GPC6: variants seen among roughly 807,000 people sequenced by gnomAD.
GPC6 encodes the protein glypican-6.
Under a neutral mutation model 55.2 loss-of-function variants are expected in GPC6, and 14 were observed. That is an observed-to-expected ratio of 0.25 (90% confidence interval 0.17 to 0.40). The LOEUF is 0.40. GPC6 is among the 10% of genes least tolerant of loss of function. The pLI is 1.00. For missense variants in GPC6, 641 were observed against 708.5 expected (o/e 0.90, Z 1.08); for synonymous variants, 278 against 259.6 (o/e 1.07, Z -0.68).
chr13:94,270,493 A>G (rs1417153306), intron 4 of GPC6, among the ~76,000 whole-genome samples: 1 of 152,232 alleles, frequency 6.6e-6, no homozygotes, highest in African/African-American at 2.4e-5. Flanking sequence ...ACATAGCCTG[A>G]TCCTAATATT....
At chr13:94,271,052 C>T (rs1004121575) in intron 4 of GPC6, among the ~76,000 whole-genome samples, 4 of 137,132 alleles carry the variant, frequency 2.9e-5, no homozygotes, top group African/African-American at 8.1e-5. Flanking sequence ...TGCAGTGGCG[C>T]AATCTCGGCT....
intron 5 of GPC6, among the ~76,000 whole-genome samples, chr13:94,301,644 C>T (rs1271054377): frequency 2.0e-5 from 3 of 152,128 alleles, no homozygotes; most frequent in Admixed American, 2.0e-4. Context: ...TTGTTATTCC[C>T]ATTTGACAGA....
In GPC6 at chr13:94,109,174, C is replaced by T. The variant is rs114806088; in HGVS notation, c.877+81280C>T. On this transcript the variant is annotated intron_variant, in intron 4 of 8. Coordinates refer to ENST00000377047, the MANE Select transcript of GPC6 (RefSeq NM_005708.5). ...CAGGATGTTTGCAATAAGCAGAGAT[C>T]GTTTGCATAAAGGGCCTAGCGTTAT... Among the ~76,000 whole-genome samples the T allele has an allele frequency of 3.6e-3, 549 of 152,272 alleles. 5 individuals carry two copies. The highest frequency in any genetic ancestry group is 0.012 in the African/African-American group (497 of 41,554).
chr13:94,087,495 G>A (rs1270804730), intron 4 of GPC6, among the ~76,000 whole-genome samples: 2 of 152,158 alleles, frequency 1.3e-5, no homozygotes, highest in African/African-American at 2.4e-5. Flanking sequence ...TTGAAACAAA[G>A]GAATACAAAC....
At chr13:94,259,631 G>C (rs888457204) in intron 4 of GPC6, among the ~76,000 whole-genome samples, 1 of 152,006 alleles carries the variant, frequency 6.6e-6, no homozygotes, top group Non-Finnish European at 1.5e-5. Context: ...CAGAAACTCC[G>C]TGCCCATTAA....
intron 2 of GPC6, among the ~76,000 whole-genome samples, chr13:93,566,730 A>C (rs1876143768): frequency 6.6e-6 from 1 of 151,266 alleles, no homozygotes; most frequent in South Asian, 2.1e-4. Flanking sequence ...CCTCCCCTTG[A>C]CAGGCCCTGG....
chr13:93,765,091 G>T (rs1014395554), intron 2 of GPC6, among the ~76,000 whole-genome samples: 1 of 152,098 alleles, frequency 6.6e-6, no homozygotes, highest in African/African-American at 2.4e-5. Context: ...GAGCCACCGG[G>T]CATGCCCACA....
At chr13:94,290,447 A>G (rs868014848) in intron 5 of GPC6, among the ~76,000 whole-genome samples, 3,057 of 150,526 alleles carry the variant, frequency 0.02, 97 homozygotes, top group African/African-American at 0.068. Flanking sequence ...AAAAAAAAAA[A>G]AAGAAAAAGA....
In GPC6 at chr13:93,909,286, T is replaced by C. The variant is rs977590313; in HGVS notation, c.711+78741T>C. On this transcript the variant is annotated intron_variant, in intron 3 of 8. Coordinates refer to ENST00000377047, the MANE Select transcript of GPC6 (RefSeq NM_005708.5). Reference sequence around the variant, plus strand: ...CAAAGTAAAACATAAATTATAATATTGATCCTGATTAGAAAGCCTATTATT... The same window carrying C: ...CAAAGTAAAACATAAATTATAATATCGATCCTGATTAGAAAGCCTATTATT... Among the ~76,000 whole-genome samples the C allele has an allele frequency of 3.9e-5, 6 of 152,318 alleles. No homozygotes were observed. The East Asian group carries it at 1.2e-3, about 29-fold the overall frequency.
At chr13:94,387,336 C>T (rs1355835121) in intron 7 of GPC6, among the ~76,000 whole-genome samples, 3 of 152,076 alleles carry the variant, frequency 2.0e-5, no homozygotes, top group Admixed American at 6.6e-5. Context: ...GCAAGTGTGC[C>T]CAATCACAGT....
At chr13:94,182,107 G>A (rs1303754962) in intron 4 of GPC6, among the ~76,000 whole-genome samples, 2 of 152,178 alleles carry the variant, frequency 1.3e-5, no homozygotes, top group Non-Finnish European at 2.9e-5. Context: ...ATATGCCTTG[G>A]TTGTGTGGTA....
At chr13:94,241,602 A>G (rs1214116668) in intron 4 of GPC6, among the ~76,000 whole-genome samples, 1 of 152,184 alleles carries the variant, frequency 6.6e-6, no homozygotes, top group Non-Finnish European at 1.5e-5. Context: ...AATGTCTGGA[A>G]TTAGCCATCA....
chr13:93,801,924 T>C (rs1186437193), intron 2 of GPC6, among the ~76,000 whole-genome samples: 1 of 152,196 alleles, frequency 6.6e-6, no homozygotes, highest in East Asian at 1.9e-4. Flanking sequence ...ATCTTCATTC[T>C]TCCTGTTAAT....
At chr13:93,620,315 A>G (rs1379216118) in intron 2 of GPC6, among the ~76,000 whole-genome samples, 1 of 152,214 alleles carries the variant, frequency 6.6e-6, no homozygotes, top group Non-Finnish European at 1.5e-5. Context: ...CTCATAATTA[A>G]CTGAAAATAA....
At chr13:93,972,442 A>G (rs116916282) in intron 3 of GPC6, among the ~76,000 whole-genome samples, 1 of 152,296 alleles carries the variant, frequency 6.6e-6, no homozygotes, top group Non-Finnish European at 1.5e-5. Context: ...TAAGACATGA[A>G]TAAGGGGAAA....
intron 3 of GPC6, among the ~76,000 whole-genome samples, chr13:93,900,828 A>G (rs563530574): frequency 1.2e-3 from 186 of 152,274 alleles, no homozygotes; most frequent in African/African-American, 4.3e-3. Context: ...TTAAAAATTC[A>G]CTGTAAGCTG....
chr13:93,662,091 A>T (rs1363035394), intron 2 of GPC6, among the ~76,000 whole-genome samples: 1 of 152,180 alleles, frequency 6.6e-6, no homozygotes, highest in Non-Finnish European at 1.5e-5. Context: ...GTGAGTTAGA[A>T]GTCATCCATC....
chr13:94,197,126 G>A (rs761718563), intron 4 of GPC6, among the ~76,000 whole-genome samples: 22 of 152,136 alleles, frequency 1.4e-4, no homozygotes, highest in Non-Finnish European at 2.6e-4. Flanking sequence ...GGACTGTAGG[G>A]AAGATGGAAT....
At chr13:93,610,347 G>T (rs190311923) in intron 2 of GPC6, among the ~76,000 whole-genome samples, 1 of 152,288 alleles carries the variant, frequency 6.6e-6, no homozygotes, top group African/African-American at 2.4e-5. Context: ...TACAGAAAAA[G>T]ATGTATTTTA....
Sources: allele counts gnomAD v4.1 joint callset (sites outside exome capture counted in the v4.1 genomes callset), GRCh38; gene constraint gnomAD v4.1.1; transcripts MANE v1.5; gene names NCBI Gene and HGNC (gene_info 2026-07-23, HGNC 2026-07-21).